Variants in RPRD2 observed in about 807,000 individuals in gnomAD.
RPRD2 encodes regulation of nuclear pre-mRNA domain containing 2, also known as regulation of nuclear pre-mRNA domain-containing protein 2.
Under a neutral mutation model 104.4 loss-of-function variants are expected in RPRD2, and 12 were observed. The observed-to-expected ratio is 0.11, with a 90% CI of 0.07 to 0.19. RPRD2 has a LOEUF of 0.19. Among genes scored for constraint, RPRD2 ranks in the 10% least tolerant of loss-of-function variants. The pLI is 1.00. For missense variants in RPRD2, 1,543 were observed against 1,790.1 expected, an observed-to-expected ratio of 0.86 and a Z score of 2.49; for synonymous variants, 714 against 684.9, an observed-to-expected ratio of 1.04 and a Z score of -0.66.
At chr1:150,372,770 A>C (rs1323221976) in intron 1 of RPRD2, among the ~76,000 whole-genome samples, 1 of 152,170 alleles carries the variant, frequency 6.6e-6, no homozygotes. Context: ...CTAAGTGAAC[A>C]GAAAAAACAA....
In RPRD2 at chr1:150,471,475, C is replaced by G. The variant is rs970402209; in HGVS notation, c.2527C>G (p.Pro843Ala). Residue 843 changes from proline to alanine, a missense_variant, in exon 11 of 11, where the codon CCC (proline) becomes GCC (alanine). Physicochemically the swap from Pro to Ala is conservative, Grantham distance 27. Transcript: ENST00000369068. The surrounding 1 kb of genome is among the most constrained non-coding windows in gnomAD (Gnocchi z 5.3). ...AGATTTTGAGTATTCAGGGCCTCCA[C>G]CCTCTGCCATGATGAACCTAGAGAA... Reference protein sequence around the residue: ...YRDFEYSGPPPSAMMNLEKKP... With the variant: ...YRDFEYSGPPASAMMNLEKKP... 2 of 1,613,944 alleles carry G rather than the reference C, an allele frequency of 1.2e-6. No homozygotes were observed. Among genetic ancestry groups the G allele is most frequent in the South Asian group, 1.1e-5 (1 of 91,080 alleles).
At chr1:150,388,414 A>ATG (rs1491269085) in intron 1 of RPRD2, among the ~76,000 whole-genome samples, 7 of 148,958 alleles carry the variant, frequency 4.7e-5, no homozygotes, top group African/African-American at 1.2e-4. Context: ...GTATATACAC[A>ATG]TGTATATATA....
chr1:150,379,501 C>A (rs1660972395), intron 1 of RPRD2, among the ~76,000 whole-genome samples: 1 of 151,934 alleles, frequency 6.6e-6, no homozygotes, highest in Non-Finnish European at 1.5e-5. Flanking sequence ...CTCCCAGGTT[C>A]AAGCGATTCA....
intron 2 of RPRD2, among the ~76,000 whole-genome samples, chr1:150,440,607 T>G (rs1197286021): frequency 4.6e-5 from 7 of 152,166 alleles, no homozygotes; most frequent in Non-Finnish European, 8.8e-5. Flanking sequence ...AGTGTAATTG[T>G]GTTTTAGAAT....
At chr1:150,429,466 T>TA (rs1665405215) in intron 2 of RPRD2, among the ~76,000 whole-genome samples, 1 of 151,964 alleles carries the variant, frequency 6.6e-6, no homozygotes, top group Non-Finnish European at 1.5e-5. Flanking sequence ...GCAGTCCTCC[T>TA]ACCTCAGCTC....
chr1:150,466,816 C>A (rs1443114557), intron 10 of RPRD2, among the ~76,000 whole-genome samples: 1 of 152,012 alleles, frequency 6.6e-6, no homozygotes, highest in Non-Finnish European at 1.5e-5. Context: ...CAATGAAATC[C>A]TTTTTAAGTA....
intron 7 of RPRD2, among the ~76,000 whole-genome samples, chr1:150,453,016 T>C (rs1667301364): frequency 6.8e-6 from 1 of 147,092 alleles, no homozygotes; most frequent in Non-Finnish European, 1.5e-5. Context: ...CCTTGCTCCC[T>C]TGTCTTCAAT....
intron 1 of RPRD2, among the ~76,000 whole-genome samples, chr1:150,384,682 T>TGTGTGTGTGTGTGTG (rs200494207): frequency 8.0e-6 from 1 of 125,232 alleles, no homozygotes; most frequent in Admixed American, 8.1e-5. Context: ...TGTGTGTGTG[T>TGTGTGTGTGTGTGTG]TTTTAGTAGA....
Position 150,379,564 on chromosome 1 carries a change from G to C in RPRD2, c.205+14645G>C, listed in dbSNP as rs587724781. Reference sequence around the variant, plus strand: ...ATTACAGGCATGTGCCACCATGCCCGGCTAATTTTGTATTTTTAGTAGAGA... The same window carrying C: ...ATTACAGGCATGTGCCACCATGCCCCGCTAATTTTGTATTTTTAGTAGAGA... On this transcript the variant is annotated intron_variant, in intron 1 of 10. Transcript: ENST00000369068. 5.3e-5 allele frequency among the ~76,000 whole-genome samples: 8 copies of C among 152,000 alleles called. No individual in the cohort carries two copies. In the South Asian group the frequency reaches 1.7e-3, roughly 32 times the overall value.
chr1:150,381,069 A>G (rs1661090986), intron 1 of RPRD2, among the ~76,000 whole-genome samples: 1 of 152,036 alleles, frequency 6.6e-6, no homozygotes, highest in Admixed American at 6.6e-5. Flanking sequence ...CTAACAACAG[A>G]TTATTTGTTT....
chr1:150,367,331 A>C (rs1360124876), intron 1 of RPRD2, among the ~76,000 whole-genome samples: 9 of 152,024 alleles, frequency 5.9e-5, no homozygotes, highest in Admixed American at 5.2e-4. Context: ...TTAAGTTCTT[A>C]TTTCTTTACA....
At chr1:150,426,194 C>G (rs1553890524) in intron 2 of RPRD2, among the ~76,000 whole-genome samples, 1 of 152,158 alleles carries the variant, frequency 6.6e-6, no homozygotes, top group East Asian at 1.9e-4. Flanking sequence ...CTCCTGAATC[C>G]CAGTAATGAG....
Position 150,472,585 on chromosome 1 carries a change from T to C in RPRD2, c.3637T>C (p.Ser1213Pro). 6.2e-7 allele frequency: 1 copy of C among 1,613,658 alleles called. No individual in the cohort carries two copies. The highest frequency in any genetic ancestry group is 8.5e-7 in the Non-Finnish European group (1 of 1,179,618). The change falls in exon 11 of 11, where the codon TCA becomes CCA. Residue 1213 changes from serine (S) to proline (P), a missense_variant. Ser to Pro is a moderately conservative substitution (Grantham distance 74). This residue lies in a region of RPRD2 where 880 missense variants were observed against 885.6 expected (regional missense o/e 0.99). Coordinates refer to ENST00000369068, the MANE Select transcript of RPRD2 (RefSeq NM_015203.5). ...CTTCCAGAGAGAGCCAGTGGGGCCATCATCTGCCCCACCTGTCCCTCCTAA... is the reference window on the plus strand; with the variant it reads ...CTTCCAGAGAGAGCCAGTGGGGCCACCATCTGCCCCACCTGTCCCTCCTAA... ...TPFQREPVGPSSAPPVPPKDH... is the reference protein window; with the variant it reads ...TPFQREPVGPPSAPPVPPKDH...
intron 1 of RPRD2, among the ~76,000 whole-genome samples, chr1:150,381,865 G>A (rs1661161317): frequency 6.6e-6 from 1 of 152,122 alleles, no homozygotes; most frequent in South Asian, 2.1e-4. Context: ...TTGTACTGTT[G>A]TATGTTGGTT....
intron 1 of RPRD2, among the ~76,000 whole-genome samples, chr1:150,404,013 T>C (rs1663273275): frequency 6.6e-6 from 1 of 152,112 alleles, no homozygotes; most frequent in African/African-American, 2.4e-5. Flanking sequence ...AATGTTCAAC[T>C]TTACGTTAAT....
At chr1:150,389,488 G>T (rs1661895434) in intron 1 of RPRD2, among the ~76,000 whole-genome samples, 1 of 152,156 alleles carries the variant, frequency 6.6e-6, no homozygotes, top group African/African-American at 2.4e-5. Context: ...GACCACAGAG[G>T]TAAAGTTCCA....
intron 2 of RPRD2, among the ~76,000 whole-genome samples, chr1:150,427,463 A>T (rs1272476211): frequency 6.8e-6 from 1 of 146,504 alleles, no homozygotes; most frequent in Non-Finnish European, 1.5e-5. Flanking sequence ...ACAGAGCGAG[A>T]CTCTATCTCA....
chr1:150,421,551 A>G (rs587720548), intron 2 of RPRD2, among the ~76,000 whole-genome samples: 70 of 152,312 alleles, frequency 4.6e-4, no homozygotes, highest in Non-Finnish European at 7.2e-4. Context: ...AAAATTCCCT[A>G]CCGGTTATCA....
At chr1:150,443,744 G>T (rs1962480) in intron 5 of RPRD2, among the ~76,000 whole-genome samples, 33,666 of 151,900 alleles carry the variant, frequency 0.22, 4,237 homozygotes, top group African/African-American at 0.32. Context: ...GGTGGCTCAC[G>T]CCTGTAATCC....
Sources: allele counts gnomAD v4.1 joint callset (sites outside exome capture counted in the v4.1 genomes callset), GRCh38; gene constraint gnomAD v4.1.1; regional missense constraint gnomAD v4.1.1; non-coding constraint Gnocchi (gnomAD v3.1); transcripts MANE v1.5; gene names NCBI Gene and HGNC (gene_info 2026-07-23, HGNC 2026-07-21).